RIMS2: variants seen among roughly 807,000 people sequenced by gnomAD.
RIMS2 encodes regulating synaptic membrane exocytosis protein 2.
Under a neutral mutation model 174.4 loss-of-function variants are expected in RIMS2, and 59 were observed. The observed-to-expected ratio is 0.34, with a 90% CI of 0.27 to 0.42. The LOEUF is 0.42. Among genes scored for constraint, RIMS2 ranks in the 10% least tolerant of loss-of-function variants. RIMS2 has a pLI of 1.00. For synonymous variants in RIMS2, 606 were observed against 572.5 expected (o/e 1.06, Z -0.84); for missense variants, 1,620 against 1,666.3 (o/e 0.97, Z 0.48).
intron 1 of RIMS2, among the ~76,000 whole-genome samples, chr8:103,505,277 G>T (rs1408597775): frequency 1.3e-5 from 2 of 152,068 alleles, no homozygotes; most frequent in Non-Finnish European, 2.9e-5. Context: ...ATATAATATT[G>T]TGTGTGTCTG....
chr8:103,581,321 C>T (rs1285269040), intron 1 of RIMS2, among the ~76,000 whole-genome samples: 2 of 152,048 alleles, frequency 1.3e-5, no homozygotes, highest in Non-Finnish European at 2.9e-5. Flanking sequence ...CAAGCATGGG[C>T]CAACATATGT....
chr8:103,657,440 T>C (rs1005381445), intron 1 of RIMS2, among the ~76,000 whole-genome samples: 5 of 152,236 alleles, frequency 3.3e-5, no homozygotes, highest in African/African-American at 1.2e-4. Context: ...CTCTATATAA[T>C]GAGTTCTAGT....
At chr8:103,539,503 T>C (rs12547317) in intron 1 of RIMS2, among the ~76,000 whole-genome samples, 18,875 of 152,170 alleles carry the variant, frequency 0.12, 1,265 homozygotes, top group Middle Eastern at 0.22. Context: ...ACTGGTGAAT[T>C]GGCTTACCTG....
At position 103,538,673 on chromosome 8, in the gene RIMS2, C is replaced by T. The variant is rs369781360; in HGVS notation, c.176+37611C>T. ...CTGGGACTGCAGGCACCCACCACCA[C>T]GCCTGGCTAATTTTTATATTTTTAG... On this transcript the variant is annotated intron_variant, in intron 1 of 23. Coordinates refer to ENST00000504942, the Ensembl canonical transcript of RIMS2. Among the ~76,000 whole-genome samples the T allele has an allele frequency of 7.4e-4, 113 of 152,270 alleles. No individual in the cohort carries two copies. In the East Asian group the frequency reaches 0.018, roughly 24 times the overall value.
intron 19 of RIMS2, among the ~76,000 whole-genome samples, chr8:104,200,910 C>G (rs1232149070): frequency 6.6e-6 from 1 of 152,170 alleles, no homozygotes. Context: ...GAGACCCTGT[C>G]TCAAAAACAA....
chr8:104,101,236 C>T (rs1409219773), intron 19 of RIMS2, among the ~76,000 whole-genome samples: 1 of 151,446 alleles, frequency 6.6e-6, no homozygotes, highest in Non-Finnish European at 1.5e-5. Context: ...AAACAGTTCT[C>T]CTGCCTCAGC....
chr8:103,914,482 T>C (rs764249536), intron 6 of RIMS2, among the ~76,000 whole-genome samples: 18 of 152,212 alleles, frequency 1.2e-4, no homozygotes, highest in Non-Finnish European at 2.4e-4. Flanking sequence ...ATAATCATTA[T>C]AGCCAGTATA....
At chr8:103,969,123 C>G (rs1238919631) in intron 15 of RIMS2, among the ~76,000 whole-genome samples, 1 of 151,746 alleles carries the variant, frequency 6.6e-6, no homozygotes, top group Non-Finnish European at 1.5e-5. Context: ...TTCTTTTTCT[C>G]TGTCTTCTTT....
chr8:104,239,459 T>A (rs1400290350), intron 19 of RIMS2, among the ~76,000 whole-genome samples: 1 of 152,182 alleles, frequency 6.6e-6, no homozygotes, highest in African/African-American at 2.4e-5. Flanking sequence ...ATTTAAGGGC[T>A]CAACAACAAC....
At chr8:103,821,187 T>A (rs2154473076) in intron 3 of RIMS2, among the ~76,000 whole-genome samples, 1 of 151,838 alleles carries the variant, frequency 6.6e-6, no homozygotes, top group East Asian at 1.9e-4. Flanking sequence ...ATTGTGTGCA[T>A]CCCTATCACT....
intron 1 of RIMS2, among the ~76,000 whole-genome samples, chr8:103,529,087 C>A (rs1052491187): frequency 6.6e-6 from 1 of 152,292 alleles, no homozygotes; most frequent in Middle Eastern, 3.4e-3. Context: ...GTTTATAGTT[C>A]TCCTTGAAGA....
chr8:103,857,013 A>G (rs1020464963), intron 3 of RIMS2, among the ~76,000 whole-genome samples: 8 of 152,062 alleles, frequency 5.3e-5, no homozygotes, highest in Non-Finnish European at 1.0e-4. Context: ...TTTCTTTTAA[A>G]TATTTATGTA....
intron 19 of RIMS2, among the ~76,000 whole-genome samples, chr8:104,123,352 A>C (rs1436330821): frequency 9.2e-5 from 14 of 152,036 alleles, no homozygotes; most frequent in African/African-American, 3.4e-4. Flanking sequence ...AAAATCATCT[A>C]TATCTTTTAT....
At chr8:103,854,147 A>C (rs1593857652) in intron 3 of RIMS2, among the ~76,000 whole-genome samples, 1 of 152,188 alleles carries the variant, frequency 6.6e-6, no homozygotes, top group East Asian at 1.9e-4. Context: ...TGGCTGTTGT[A>C]AATGGGATTG....
intron 2 of RIMS2, among the ~76,000 whole-genome samples, chr8:103,765,210 T>C (rs1248522757): frequency 1.3e-5 from 2 of 152,322 alleles, no homozygotes; most frequent in South Asian, 2.1e-4. Flanking sequence ...GGTTATTTTA[T>C]GATAATATGG....
At chr8:103,608,973 C>G (rs1343064218) in intron 1 of RIMS2, among the ~76,000 whole-genome samples, 1 of 152,210 alleles carries the variant, frequency 6.6e-6, no homozygotes, top group Admixed American at 6.5e-5. Context: ...ACGCTGGGAG[C>G]TGTAGACCGG....
At chr8:103,817,677 G>A (rs1431103294) in intron 3 of RIMS2, among the ~76,000 whole-genome samples, 1 of 152,104 alleles carries the variant, frequency 6.6e-6, no homozygotes, top group South Asian at 2.1e-4. Context: ...CTACTCAGGA[G>A]GCTGAGGCAG....
chr8:104,240,566 G>C (rs2099282443), intron 19 of RIMS2, among the ~76,000 whole-genome samples: 1 of 152,174 alleles, frequency 6.6e-6, no homozygotes, highest in African/African-American at 2.4e-5. Flanking sequence ...GGATTTATTT[G>C]ATTATGTCAG....
chr8:103,781,738 CTTTTTTTTTTTTTTT>C (rs11308922), intron 3 of RIMS2, among the ~76,000 whole-genome samples: 7 of 88,496 alleles, frequency 7.9e-5, no homozygotes, highest in African/African-American at 3.2e-4. Context: ...CTCCCCTAAT[CTTTTTTTTTTTTTTT>C]TTTTTTTTTT....
Sources: allele counts gnomAD v4.1 joint callset (sites outside exome capture counted in the v4.1 genomes callset), GRCh38; gene constraint gnomAD v4.1.1; transcripts MANE v1.5; gene names NCBI Gene and HGNC (gene_info 2026-07-23, HGNC 2026-07-21).